The following CNST variants were observed in gnomAD, a reference collection of about 807,000 sequenced individuals.
The protein encoded by CNST is consortin, connexin sorting protein, also known as consortin.
In CNST, 39 loss-of-function variants were observed where a neutral mutation model predicts 72.4. That is an observed-to-expected ratio of 0.54 (90% confidence interval 0.42 to 0.70). The LOEUF is 0.70. Among genes scored for constraint, CNST ranks in the 30% least tolerant of loss-of-function variants. The pLI, the probability that CNST is intolerant of heterozygous loss-of-function variation, is 0.00. For missense variants in CNST, 871 were observed against 868.5 expected, an observed-to-expected ratio of 1.00 and a Z score of -0.04; for synonymous variants, 332 against 320.1, an observed-to-expected ratio of 1.04 and a Z score of -0.40.
chr1:246,646,138 G>A (rs1011598926), intron 8 of CNST, among the ~76,000 whole-genome samples: 4 of 151,768 alleles, frequency 2.6e-5, no homozygotes, highest in African/African-American at 7.3e-5. Flanking sequence ...AAATTAGCTG[G>A]GCAAGGTGGC....
chr1:246,590,949 A>C (rs1000300786), intron 1 of CNST, among the ~76,000 whole-genome samples: 5 of 152,024 alleles, frequency 3.3e-5, no homozygotes, highest in African/African-American at 1.2e-4. Context: ...TAAAAAATAA[A>C]ACGATAGTAT....
At chr1:246,659,410 C>G (rs533695369) in intron 9 of CNST, among the ~76,000 whole-genome samples, 2 of 152,046 alleles carry the variant, frequency 1.3e-5, no homozygotes, top group African/African-American at 2.4e-5. Flanking sequence ...CTGGCTAACT[C>G]GGTGAAACCC....
At chr1:246,592,009 C>A in intron 2 of CNST, 68 bp downstream of exon 2, 2 of 1,227,784 alleles carry the variant, frequency 1.6e-6, no homozygotes, top group Non-Finnish European at 2.2e-6. Context: ...CCCTCCCATA[C>A]TGTGTTTACT....
At chr1:246,592,199 A>G (rs1661590372) in intron 2 of CNST, among the ~76,000 whole-genome samples, 1 of 152,130 alleles carries the variant, frequency 6.6e-6, no homozygotes, top group Admixed American at 6.5e-5. Context: ...TATCATAAAC[A>G]GTGCTGAGGC....
Position 246,591,502 on chromosome 1 carries a change from G to C in CNST, c.-51-10G>C. ...AAAATGAAGTAGCTTTTTTCTTTTT[G>C]TCATTGTAGACATGGAAGGTCTTTA... On this transcript the variant is annotated splice_polypyrimidine_tract_variant and intron_variant, in intron 1 of 10. Transcript: ENST00000366513. The C allele has an allele frequency of 3.2e-6, 5 of 1,566,760 alleles. No homozygotes were observed. The highest frequency in any genetic ancestry group is 3.5e-6 in the Non-Finnish European group (4 of 1,155,802).
Position 246,621,487 on chromosome 1 carries a change from A to G in CNST, c.438A>G (p.Thr146=). The G allele has an allele frequency of 6.2e-7, 1 of 1,614,206 alleles. No homozygotes were observed. Among genetic ancestry groups the G allele is most frequent in the Non-Finnish European group, 8.5e-7 (1 of 1,180,032 alleles). The change falls in exon 3 of 11, where the codon ACA becomes ACG. Residue 146 remains threonine, a synonymous_variant. Transcript: ENST00000366513. The part of the protein sequence containing the change: ...LMQEKVLSAV[T]YAVDDEEAAE... ...AAGAAAAAGTACTAAGCGCAGTCAC[A>G]TATGCTGTTGATGATGAAGAAGCTG...
At chr1:246,585,072 G>GA (rs1301480463) in intron 1 of CNST, among the ~76,000 whole-genome samples, 3 of 152,158 alleles carry the variant, frequency 2.0e-5, no homozygotes, top group Non-Finnish European at 4.4e-5. Context: ...CTGGGCCTTA[G>GA]TCCCTGTGAG....
At chr1:246,641,427 T>A (rs1665682249) in intron 6 of CNST, among the ~76,000 whole-genome samples, 1 of 152,242 alleles carries the variant, frequency 6.6e-6, no homozygotes. Flanking sequence ...TAAACTGAAA[T>A]TTTTAAAATA....
At chr1:246,653,532 A>AC (rs1666605909) in intron 9 of CNST, among the ~76,000 whole-genome samples, 2 of 152,214 alleles carry the variant, frequency 1.3e-5, no homozygotes, top group Admixed American at 1.3e-4. Flanking sequence ...ATAATGTAAG[A>AC]GGTTTTAGAA....
intron 10 of CNST, among the ~76,000 whole-genome samples, chr1:246,661,347 G>A (rs1440272889): frequency 1.3e-5 from 2 of 151,922 alleles, no homozygotes; most frequent in African/African-American, 2.4e-5. Context: ...CGAACTCCTG[G>A]CTTCAAGTGA....
At chr1:246,624,637 T>C (rs951981429) in intron 3 of CNST, among the ~76,000 whole-genome samples, 2 of 152,210 alleles carry the variant, frequency 1.3e-5, no homozygotes, top group African/African-American at 2.4e-5. Flanking sequence ...AGACAGAATA[T>C]CCTGTCACCT....
chr1:246,610,907 G>A (rs764882394), intron 2 of CNST, among the ~76,000 whole-genome samples: 13 of 152,064 alleles, frequency 8.5e-5, no homozygotes, highest in Non-Finnish European at 1.3e-4. Context: ...GCTTTAGATT[G>A]TCTAGTTTAT....
chr1:246,645,424 CTTTTT>C (rs1553384186), intron 8 of CNST, among the ~76,000 whole-genome samples: 1 of 106,106 alleles, frequency 9.4e-6, no homozygotes. Flanking sequence ...AAGGTTAAAA[CTTTTT>C]TTTTTTTTTT....
At chr1:246,601,840 G>A (rs1379532326) in intron 2 of CNST, among the ~76,000 whole-genome samples, 1 of 152,104 alleles carries the variant, frequency 6.6e-6, no homozygotes, top group African/African-American at 2.4e-5. Flanking sequence ...TTATTGCAAG[G>A]GTGTATAGTC....
At chr1:246,594,556 G>A (rs767638990) in intron 2 of CNST, among the ~76,000 whole-genome samples, 5 of 152,010 alleles carry the variant, frequency 3.3e-5, no homozygotes, top group East Asian at 1.9e-4. Context: ...GATCACTTGC[G>A]CTCAGGAGTT....
intron 1 of CNST, among the ~76,000 whole-genome samples, chr1:246,569,337 C>T (rs185220518): frequency 6.6e-6 from 1 of 152,208 alleles, no homozygotes; most frequent in Non-Finnish European, 1.5e-5. Context: ...ATACTTACAG[C>T]ACATCTCAGT....
intron 9 of CNST, among the ~76,000 whole-genome samples, chr1:246,650,180 G>C (rs181512122): frequency 1.3e-5 from 2 of 152,254 alleles, no homozygotes; most frequent in East Asian, 3.9e-4. Context: ...CAATTAAATG[G>C]AATATTCCCT....
intron 1 of CNST, 26 bp from the exon 2 acceptor site, chr1:246,591,486 T>C: frequency 6.6e-7 from 1 of 1,505,890 alleles, no homozygotes; most frequent in Non-Finnish European, 9.1e-7. Flanking sequence ...GAAAATGAAG[T>C]AGCTTTTTTC....
intron 3 of CNST, among the ~76,000 whole-genome samples, chr1:246,625,838 T>TC (rs1041150995): frequency 6.6e-6 from 1 of 152,070 alleles, no homozygotes; most frequent in African/African-American, 2.4e-5. Flanking sequence ...TTCCCACCAC[T>TC]CCCCCAAAAT....
Sources: allele counts gnomAD v4.1 joint callset (sites outside exome capture counted in the v4.1 genomes callset), GRCh38; gene constraint gnomAD v4.1.1; transcripts MANE v1.5; gene names NCBI Gene and HGNC (gene_info 2026-07-23, HGNC 2026-07-21).